BTG2: variants seen among roughly 807,000 people sequenced by gnomAD.
BTG2 encodes protein BTG2.
In BTG2, 9 loss-of-function variants were observed where a neutral mutation model predicts 13.1. That is an observed-to-expected ratio of 0.69 (90% CI 0.41 to 1.20). BTG2 has a LOEUF of 1.20. Among genes scored for constraint, BTG2 ranks in the 50% most tolerant of loss-of-function variants. BTG2 has a pLI of 0.00. For missense variants in BTG2, 200 were observed against 209.5 expected (o/e 0.95, Z 0.28); for synonymous variants, 92 against 88.6 (o/e 1.04, Z -0.21).
chr1:203,308,187 T>C lies in BTG2; in HGVS notation c.*749T>C, dbSNP rs1658317981. ...GGAACTCTGCACAAAACCTTTGCTT[T>C]GCTAGTGCTGCTTTGTGTGTATGTG... On this transcript the variant is annotated 3_prime_UTR_variant, in exon 2 of 2. Coordinates refer to ENST00000290551, the MANE Select transcript of BTG2 (RefSeq NM_006763.3). 6.6e-6 allele frequency: 1 copy of C among 152,640 alleles called. No individual in the cohort carries two copies. The highest frequency in any genetic ancestry group is 1.5e-5 in the Non-Finnish European group (1 of 68,030). The allele number at this position is 152,640 out of a possible 1,614,324, so 9.5% of individuals were successfully genotyped here.
chr1:203,307,056 G>A, intron 1 of BTG2, 48 bp from the exon 2 acceptor site: 1 of 1,542,460 alleles, frequency 6.5e-7, no homozygotes. Flanking sequence ...AGTATCCATG[G>A]CCTAGCTGCT....
intron 1 of BTG2, among the ~76,000 whole-genome samples, chr1:203,306,095 G>C (rs998194274): frequency 1.3e-5 from 2 of 152,268 alleles, no homozygotes; most frequent in South Asian, 2.1e-4. Context: ...ACCCTCGATG[G>C]ATGTTGTTGC....
chr1:203,307,548 A>G lies in BTG2; in HGVS notation c.*110A>G. 2 of 814,324 alleles carry G rather than the reference A, an allele frequency of 2.5e-6. No individual in the cohort carries two copies. The highest frequency in any genetic ancestry group is 3.4e-6 in the Non-Finnish European group (2 of 592,306). The allele number at this position is 814,324 out of a possible 1,614,324, so 50.4% of individuals were successfully genotyped here. ...TTTTTAAATGAAGAGCTATTTATAT[A>G]TATTATTTTTTTTTAAGAAAGGAGG... is the stretch of plus-strand genomic sequence containing the variant. On this transcript the variant is annotated 3_prime_UTR_variant, in exon 2 of 2. Transcript: ENST00000290551.
rs544069044 is a variant in BTG2 at position 203,306,288 on chromosome 1, C to T, written c.142+540C>T. 8.7e-4 allele frequency among the ~76,000 whole-genome samples: 132 copies of T among 152,244 alleles called. 1 individual carries two copies. In the South Asian group the frequency reaches 0.013, roughly 15 times the overall value. Reference sequence around the variant, plus strand: ...GCCCCCTTTGTGTTATCTTTGGTTCCCCTTAGCCATCTGCCACCTATTGTG... The same window carrying T: ...GCCCCCTTTGTGTTATCTTTGGTTCTCCTTAGCCATCTGCCACCTATTGTG... On this transcript the variant is annotated intron_variant, in intron 1 of 1. Coordinates refer to ENST00000290551, the MANE Select transcript of BTG2 (RefSeq NM_006763.3).
chr1:203,305,592 C>A lies in BTG2; in HGVS notation c.-15C>A. 1.2e-6 allele frequency: 2 copies of A among 1,600,608 alleles called. No individual in the cohort carries two copies. Among genetic ancestry groups the A allele is most frequent in the East Asian group, 4.6e-5 (2 of 43,922 alleles). On this transcript the variant is annotated 5_prime_UTR_variant, in exon 1 of 2. Coordinates refer to ENST00000290551, the MANE Select transcript of BTG2 (RefSeq NM_006763.3). ...CCCACCCGAGACCTCTCACTGAGCC[C>A]GAGCCGCGCGCGACATGAGCCACGG...
chr1:203,306,005 G>A (rs2102284081), intron 1 of BTG2, among the ~76,000 whole-genome samples: 1 of 152,280 alleles, frequency 6.6e-6, no homozygotes, highest in African/African-American at 2.4e-5. Context: ...CCTGGTCCTG[G>A]AGTGCCAGCC....
Position 203,305,525 on chromosome 1 carries a change from C to G in BTG2, c.-82C>G, listed in dbSNP as rs911105487. 4.0e-6 allele frequency: 6 copies of G among 1,483,888 alleles called. No homozygotes were observed. The highest frequency in any genetic ancestry group is 2.8e-5 in the African/African-American group (2 of 70,310). 91.9% of individuals were successfully genotyped at this position (1,483,888 alleles called of 1,614,324 possible). ...GCCCGGGGAAAGTCCGGGCAGAGCC[C>G]GAGCAGCGGCCAGGGTAACGCTGTC... On this transcript the variant is annotated 5_prime_UTR_variant, in exon 1 of 2. Transcript: ENST00000290551.
Position 203,305,633 on chromosome 1 carries a change from G to A in BTG2, c.27G>A (p.Met9Ile), listed in dbSNP as rs1458112869. MSHGKGTD[M>I]LPEIAAAVGF... ...TGAGCCACGGGAAGGGAACCGACAT[G>A]CTCCCGGAGATCGCCGCCGCCGTGG... The change falls in exon 1 of 2, where the codon ATG (methionine) becomes ATA (isoleucine). Residue 9 changes from methionine (M) to isoleucine (I), a missense_variant. Transcript: ENST00000290551. 1 of 1,596,602 alleles carries A rather than the reference G, an allele frequency of 6.3e-7. No individual in the cohort carries two copies. Among genetic ancestry groups the A allele is most frequent in the Non-Finnish European group, 8.5e-7 (1 of 1,172,014 alleles).
rs144359813 is a variant in BTG2, at chr1:203,307,342, A to C, written c.381A>C (p.Pro127=). ...GSICVLYEEA[P]LAASCGLLTC... ...TCTGCGTCTTGTACGAGGAGGCCCC[A>C]CTGGCCGCCTCCTGTGGGCTCCTCA... is the stretch of plus-strand genomic sequence containing the variant. The change falls in exon 2 of 2, where the codon CCA becomes CCC. Residue 127 remains proline, a synonymous_variant. Coordinates refer to ENST00000290551, the MANE Select transcript of BTG2 (RefSeq NM_006763.3). 175 of 1,613,866 alleles carry C rather than the reference A, an allele frequency of 1.1e-4. No homozygotes were observed. The highest frequency in any genetic ancestry group is 1.3e-4 in the Non-Finnish European group (159 of 1,179,826).
Position 203,307,252 on chromosome 1 carries a change from C to G in BTG2, c.291C>G (p.Pro97=). 2 of 1,614,268 alleles carry G rather than the reference C, an allele frequency of 1.2e-6. No individual in the cohort carries two copies. Among genetic ancestry groups the G allele is most frequent in the South Asian group, 2.2e-5 (2 of 91,090 alleles). ...LSQPQLHQLL[P]SELTLWVDPY... ...AGCCCCAGCTGCACCAGCTGCTGCC[C>G]AGCGAGCTGACCCTGTGGGTGGACC... Residue 97 remains proline (P), a synonymous_variant, in exon 2 of 2, where the codon CCC becomes CCG. Transcript: ENST00000290551.
intron 1 of BTG2, among the ~76,000 whole-genome samples, chr1:203,306,308 A>T (rs925143438): frequency 1.3e-5 from 2 of 151,960 alleles, no homozygotes; most frequent in African/African-American, 2.4e-5. Context: ...TCTGCCACCT[A>T]TTGTGGTAGG....
rs1332297469 is a variant in BTG2 at position 203,308,886 on chromosome 1, T to C, written c.*1448T>C. On this transcript the variant is annotated 3_prime_UTR_variant, in exon 2 of 2. Coordinates refer to ENST00000290551, the MANE Select transcript of BTG2 (RefSeq NM_006763.3). ...AAACTCCCTTCCTTCAATTTCTCAG[T>C]GACATTGATGAGGGGTCCTCAAAAG... 1 of 152,626 alleles carries C rather than the reference T, an allele frequency of 6.6e-6. No individual in the cohort carries two copies. Among genetic ancestry groups the C allele is most frequent in the Non-Finnish European group, 1.5e-5 (1 of 68,046 alleles). 9.5% of individuals were successfully genotyped at this position (152,626 alleles called of 1,614,324 possible).
At chr1:203,305,820 C>T (rs545935212) in intron 1 of BTG2, 72 bp downstream of exon 1, 43 of 1,494,548 alleles carry the variant, frequency 2.9e-5, no homozygotes, top group Non-Finnish European at 3.8e-5. Flanking sequence ...CTTTCTTCTA[C>T]TCCTGCGGCA....
chr1:203,307,503 C>T lies in BTG2; in HGVS notation c.*65C>T, dbSNP rs1658306171. On this transcript the variant is annotated 3_prime_UTR_variant, in exon 2 of 2. Coordinates refer to ENST00000290551, the MANE Select transcript of BTG2 (RefSeq NM_006763.3). Reference sequence around the variant, plus strand: ...TGCCGTGACAACAGGCCACCACATACCTCAACCTGGGGAACTGTATTTTTA... The same window carrying T: ...TGCCGTGACAACAGGCCACCACATATCTCAACCTGGGGAACTGTATTTTTA... 6.1e-6 allele frequency: 8 copies of T among 1,303,606 alleles called. No individual in the cohort carries two copies. In the African/African-American group the frequency reaches 8.9e-5, roughly 15 times the overall value. The allele number at this position is 1,303,606 out of a possible 1,614,324, so 80.8% of individuals were successfully genotyped here.
intron 1 of BTG2, among the ~76,000 whole-genome samples, chr1:203,306,097 T>C (rs1338507654): frequency 6.6e-6 from 1 of 151,790 alleles, no homozygotes; most frequent in Admixed American, 6.6e-5. Context: ...CCTCGATGGA[T>C]GTTGTTGCGG....
intron 1 of BTG2, 77 bp from the exon 2 acceptor site, chr1:203,307,027 C>T (rs1464421295): frequency 4.5e-6 from 6 of 1,334,412 alleles, no homozygotes; most frequent in Middle Eastern, 1.9e-4. Context: ...TCCCTTGACC[C>T]TCCACCCCGC....
intron 1 of BTG2, among the ~76,000 whole-genome samples, chr1:203,306,313 G>A (rs1658271869): frequency 6.6e-6 from 1 of 152,220 alleles, no homozygotes; most frequent in Non-Finnish European, 1.5e-5. Context: ...CACCTATTGT[G>A]GTAGGGAGGA....
At position 203,308,681 on chromosome 1, in the gene BTG2, G is replaced by C. The variant is rs1175874302; in HGVS notation, c.*1243G>C. 1 of 152,614 alleles carries C rather than the reference G, an allele frequency of 6.6e-6. No individual in the cohort carries two copies. The highest frequency in any genetic ancestry group is 1.5e-5 in the Non-Finnish European group (1 of 68,044). 9.5% of individuals were successfully genotyped at this position (152,614 alleles called of 1,614,324 possible). ...GCCCCATGTTCTGCAAGACTACTTGGTATTCTTGTAGGGCCGACACTAAAT... is the reference window on the plus strand; with the variant it reads ...GCCCCATGTTCTGCAAGACTACTTGCTATTCTTGTAGGGCCGACACTAAAT... On this transcript the variant is annotated 3_prime_UTR_variant, in exon 2 of 2. Coordinates refer to ENST00000290551, the MANE Select transcript of BTG2 (RefSeq NM_006763.3).
rs753317706 is a variant in BTG2, at chr1:203,305,748, G to T, written c.142G>T (p.Glu48Ter). ...CGGGGCGCTCCAGGAGGCACTCACA[G>T]GTGAGCGCATGCCGAGGGGCCTGGC... is the stretch of plus-strand genomic sequence containing the variant. The part of the protein sequence containing the change: ...FSGALQEALT[E>*]HYKHHWFPEK... Residue 48 changes from glutamate to a stop codon, truncating the protein, a stop_gained and splice_region_variant, in exon 1 of 2, where the codon GAG (glutamate) becomes TAG (stop). Coordinates refer to ENST00000290551, the MANE Select transcript of BTG2 (RefSeq NM_006763.3). LOFTEE classifies it high-confidence loss of function. 1 of 1,545,954 alleles carries T rather than the reference G, an allele frequency of 6.5e-7. No homozygotes were observed.
Sources: allele counts gnomAD v4.1 joint callset (sites outside exome capture counted in the v4.1 genomes callset), GRCh38; gene constraint gnomAD v4.1.1; transcripts MANE v1.5; gene names NCBI Gene and HGNC (gene_info 2026-07-23, HGNC 2026-07-21).